ACSM2A: variants seen among roughly 807,000 people sequenced by gnomAD.
ACSM2A encodes the protein acyl-CoA synthetase medium chain family member 2A.
In ACSM2A, 72 loss-of-function variants were observed where a neutral mutation model predicts 76.6. The observed-to-expected ratio is 0.94, with a 90% CI of 0.78 to 1.14. ACSM2A has a LOEUF of 1.14. Ranked by LOEUF, ACSM2A falls within the 50% of genes most tolerant of loss-of-function variation. ACSM2A has a pLI of 0.00. For synonymous variants in ACSM2A, 249 were observed against 255.9 expected (o/e 0.97, Z 0.26); for missense variants, 684 against 708.5 (o/e 0.97, Z 0.39).
At chr16:20,470,615 G>T (rs958024558) in intron 4 of ACSM2A, among the ~76,000 whole-genome samples, 1 of 152,154 alleles carries the variant, frequency 6.6e-6, no homozygotes, top group Admixed American at 6.5e-5. Flanking sequence ...GAGATATGTA[G>T]GTGCTTCCAG....
chr16:20,470,693 G>A (rs543909231), intron 4 of ACSM2A: 396 of 419,576 alleles, frequency 9.4e-4, no homozygotes, highest in Non-Finnish European at 1.5e-3. Flanking sequence ...CTGTCCACTT[G>A]GTGTCATGCC....
At chr16:20,463,116 G>T (rs1175276415) in intron 2 of ACSM2A, among the ~76,000 whole-genome samples, 1 of 151,180 alleles carries the variant, frequency 6.6e-6, no homozygotes, top group Non-Finnish European at 1.5e-5. Context: ...AACATTAGGC[G>T]ATATACCTAA....
chr16:20,470,357 A>C (rs562602444), intron 4 of ACSM2A, among the ~76,000 whole-genome samples: 1 of 152,208 alleles, frequency 6.6e-6, no homozygotes, highest in African/African-American at 2.4e-5. Flanking sequence ...AGGACTTTCC[A>C]TGTGTTGATA....
intron 10 of ACSM2A, 126 bp downstream of exon 10, chr16:20,478,803 T>G (rs1172539994): frequency 7.8e-7 from 1 of 1,279,632 alleles, no homozygotes; most frequent in Non-Finnish European, 1.0e-6. Context: ...CTGTCCAGTT[T>G]TCAAGAATGT....
At chr16:20,482,361 G>C (rs1304033256) in intron 12 of ACSM2A, 1 of 151,940 alleles carries the variant, frequency 6.6e-6, no homozygotes, top group East Asian at 1.9e-4. Context: ...AGTTCGCAGT[G>C]AAAATAAAGG....
Position 20,483,126 on chromosome 16 carries a change from G to A in ACSM2A, c.1578G>A (p.Glu526=), listed in dbSNP as rs370522235. Residue 526 remains glutamate, a synonymous_variant, in exon 13 of 14, where the codon GAG becomes GAA. Coordinates refer to ENST00000573854, the MANE Select transcript of ACSM2A (RefSeq NM_001308172.2). ...ATGACCCAGAACAGCTCACCAAGGA[G>A]CTGCAGCAGCATGTGAAGTCAGTGA... ...LSHDPEQLTK[E]LQQHVKSVTA... 13 of 1,613,984 alleles carry A rather than the reference G, an allele frequency of 8.1e-6. No homozygotes were observed. In the Admixed American group the frequency reaches 1.5e-4, roughly 19 times the overall value.
chr16:20,471,259 T>G, intron 5 of ACSM2A, 43 bp downstream of exon 5: 1 of 1,595,510 alleles, frequency 6.3e-7, no homozygotes, highest in Non-Finnish European at 8.6e-7. Flanking sequence ...ACATGAGTTT[T>G]GGAGTTAGAA....
intron 1 of ACSM2A, among the ~76,000 whole-genome samples, chr16:20,458,942 A>G (rs2012431811): frequency 1.4e-5 from 2 of 141,264 alleles, no homozygotes; most frequent in Admixed American, 7.4e-5. Flanking sequence ...ACATATATAT[A>G]TATAATGAAA....
chr16:20,462,530 A>C (rs2012688050), intron 2 of ACSM2A, among the ~76,000 whole-genome samples: 1 of 152,246 alleles, frequency 6.6e-6, no homozygotes, highest in South Asian at 2.1e-4. Flanking sequence ...GTTACCAAAA[A>C]GTGCTATAAC....
intron 1 of ACSM2A, among the ~76,000 whole-genome samples, chr16:20,456,591 T>G (rs1195272372): frequency 6.6e-6 from 1 of 151,502 alleles, no homozygotes; most frequent in African/African-American, 2.4e-5. Context: ...ATTTAAAAAT[T>G]TCTCACACTG....
chr16:20,478,555 C>A, intron 9 of ACSM2A, 21 bp from the exon 10 acceptor site: 1 of 1,610,606 alleles, frequency 6.2e-7, no homozygotes, highest in Non-Finnish European at 8.5e-7. Flanking sequence ...CATCATTCTT[C>A]CAATCTGCTT....
At chr16:20,470,664 T>C (rs548997736) in intron 4 of ACSM2A, among the ~76,000 whole-genome samples, 2,280 of 152,240 alleles carry the variant, frequency 0.015, 25 homozygotes, top group Non-Finnish European at 0.024. Flanking sequence ...TTGGAAAACT[T>C]GTATTAATTC....
chr16:20,478,416 C>A (rs1457179528), intron 9 of ACSM2A, among the ~76,000 whole-genome samples, 160 bp from the exon 10 acceptor site: 3 of 152,186 alleles, frequency 2.0e-5, no homozygotes, highest in Non-Finnish European at 4.4e-5. Flanking sequence ...GATCAGAGAT[C>A]TGAGTTTAAG....
intron 10 of ACSM2A, among the ~76,000 whole-genome samples, chr16:20,479,089 G>C (rs375311139): frequency 6.6e-6 from 1 of 152,030 alleles, no homozygotes; most frequent in Non-Finnish European, 1.5e-5. Context: ...TCACCATCTA[G>C]TTGGAGGAAT....
Position 20,471,086 on chromosome 16 carries a change from A to G in ACSM2A, c.610A>G (p.Thr204Ala), listed in dbSNP as rs2013362762. ...TGTCTCTGTCAGTGAGGCATCCACCACTCATCACTGTGTGGAGACTGGAAG... is the reference window on the plus strand; with the variant it reads ...TGTCTCTGTCAGTGAGGCATCCACCGCTCATCACTGTGTGGAGACTGGAAG... Reference protein sequence around the residue: ...FKKLLNEASTTHHCVETGSQE... With the variant: ...FKKLLNEASTAHHCVETGSQE... Residue 204 changes from threonine to alanine, a missense_variant, in exon 5 of 14, where the codon ACT (threonine) becomes GCT (alanine). Transcript: ENST00000573854. 2.5e-6 allele frequency: 4 copies of G among 1,613,446 alleles called. No homozygotes were observed. The highest frequency in any genetic ancestry group is 1.7e-5 in the Admixed American group (1 of 59,988).
chr16:20,486,271 A>C (rs1303106239), intron 13 of ACSM2A, among the ~76,000 whole-genome samples: 1 of 152,234 alleles, frequency 6.6e-6, no homozygotes, highest in Non-Finnish European at 1.5e-5. Context: ...TGATTGGTAG[A>C]GGAGGAGCTG....
At position 20,483,686 on chromosome 16, in the gene ACSM2A, T is replaced by C. The variant is rs533120889; in HGVS notation, c.1629+509T>C. On this transcript the variant is annotated intron_variant, in intron 13 of 13. Coordinates refer to ENST00000573854, the MANE Select transcript of ACSM2A (RefSeq NM_001308172.2). ...CCTCAGCTTTTGACTCACTCTGAAT[T>C]AAAAGCCAAATGCTATCAAGGGAAT... Among the ~76,000 whole-genome samples, 10 of 148,856 alleles carry C rather than the reference T, an allele frequency of 6.7e-5. No individual in the cohort carries two copies. The East Asian group carries it at 8.2e-4, about 12-fold the overall frequency.
chr16:20,471,051 T>G (rs1289218127), intron 4 of ACSM2A, 22 bp from the exon 5 acceptor site: 4 of 1,612,176 alleles, frequency 2.5e-6, no homozygotes, highest in Admixed American at 1.7e-5. Context: ...TCTGAAAAAA[T>G]GACAATCTGT....
intron 6 of ACSM2A, among the ~76,000 whole-genome samples, chr16:20,473,048 A>G (rs1355892404): frequency 1.3e-5 from 2 of 152,080 alleles, no homozygotes; most frequent in African/African-American, 2.4e-5. Context: ...AAATGACCTC[A>G]TTTTGCTTAT....
Sources: gnomAD v4.1 joint callset for allele counts (sites outside exome capture counted in the v4.1 genomes callset) on GRCh38, gnomAD v4.1.1 for gene constraint, MANE v1.5 for transcripts, NCBI Gene and HGNC (gene_info 2026-07-23, HGNC 2026-07-21) for gene names.